ZNF362: variants seen among roughly 807,000 people sequenced by gnomAD.
The protein encoded by ZNF362 is rotund homolog.
Under a neutral mutation model 42.9 loss-of-function variants are expected in ZNF362, and 11 were observed. That is an observed-to-expected ratio of 0.26 (90% CI 0.16 to 0.42). ZNF362 has a LOEUF of 0.42. Among genes scored for constraint, ZNF362 ranks in the 20% least tolerant of loss-of-function variants. ZNF362 has a pLI of 1.00. For synonymous variants in ZNF362, 255 were observed against 257.3 expected, an observed-to-expected ratio of 0.99 and a Z score of 0.09; for missense variants, 362 against 576.2, an observed-to-expected ratio of 0.63 and a Z score of 3.81.
At position 33,266,239 on chromosome 1, in the gene ZNF362, G is replaced by C. The variant is rs1287691845; in HGVS notation, c.-88-4248G>C. 6.6e-6 allele frequency among the ~76,000 whole-genome samples: 1 copy of C among 152,214 alleles called. No individual in the cohort carries two copies. Among genetic ancestry groups the C allele is most frequent in the Non-Finnish European group, 1.5e-5 (1 of 68,038 alleles). ...CTGCACATGCTGCCCTTCTGCCGCAGTGGCTCTCCTGGCAAACTCGTCTGT... is the reference window on the plus strand; with the variant it reads ...CTGCACATGCTGCCCTTCTGCCGCACTGGCTCTCCTGGCAAACTCGTCTGT... On this transcript the variant is annotated intron_variant, in intron 1 of 8. Coordinates refer to ENST00000539719, the MANE Select transcript of ZNF362 (RefSeq NM_152493.3). This position sits in a 1 kb window ranked among gnomAD's most constrained non-coding sequence, Gnocchi z 4.3.
chr1:33,223,274 A>T, the ZNF362 span, among the ~76,000 whole-genome samples: 2 of 151,952 alleles, frequency 1.3e-5, no homozygotes, highest in African/African-American at 4.8e-5. Flanking sequence ...CAAAAAACAA[A>T]AAAACACAGG....
At chr1:33,140,280 C>G in the ZNF362 span, among the ~76,000 whole-genome samples, 2 of 152,210 alleles carry the variant, frequency 1.3e-5, no homozygotes, top group Non-Finnish European at 2.9e-5. This position sits in a 1 kb window ranked among gnomAD's most constrained non-coding sequence, Gnocchi z 4.0. Context: ...TTACCCAGGT[C>G]TCGACTCACA....
At chr1:33,192,412 A>C in the ZNF362 span, among the ~76,000 whole-genome samples, 2 of 152,190 alleles carry the variant, frequency 1.3e-5, no homozygotes, top group African/African-American at 2.4e-5. Context: ...CATCCTTGGG[A>C]TCTAAGACCA....
At chr1:33,205,402 G>A in the ZNF362 span, among the ~76,000 whole-genome samples, 6 of 151,930 alleles carry the variant, frequency 3.9e-5, no homozygotes, top group Admixed American at 2.0e-4. Flanking sequence ...GGAGGATCAC[G>A]TGAGCCCAGG....
At chr1:33,193,004 C>CACACACACATATATAT in the ZNF362 span, among the ~76,000 whole-genome samples, 5 of 137,202 alleles carry the variant, frequency 3.6e-5, no homozygotes, top group Admixed American at 7.5e-5. Flanking sequence ...CACACACACA[C>CACACACACATATATAT]ATATATATAT....
At chr1:33,197,854 A>G in the ZNF362 span, among the ~76,000 whole-genome samples, 1 of 152,228 alleles carries the variant, frequency 6.6e-6, no homozygotes, top group Admixed American at 6.5e-5. Context: ...AAGAGTAGAG[A>G]AAAACATTCT....
At chr1:33,192,152 C>T in the ZNF362 span, among the ~76,000 whole-genome samples, 1 of 152,150 alleles carries the variant, frequency 6.6e-6, no homozygotes, top group Admixed American at 6.5e-5. Context: ...TGGTAATTGA[C>T]TAATTTGACC....
At chr1:33,221,765 G>A in the ZNF362 span, among the ~76,000 whole-genome samples, 9 of 152,284 alleles carry the variant, frequency 5.9e-5, no homozygotes, top group Admixed American at 5.2e-4. Flanking sequence ...TAACTTTAAG[G>A]TGTGTCTGAT....
chr1:33,235,298 G>T, the ZNF362 span, among the ~76,000 whole-genome samples: 5 of 151,026 alleles, frequency 3.3e-5, no homozygotes, highest in African/African-American at 9.7e-5. Context: ...GTCCCACCCC[G>T]CCCCCCAGGC....
At chr1:33,282,611 CAGG>C (rs1330794665) in intron 6 of ZNF362, among the ~76,000 whole-genome samples, 1 of 152,106 alleles carries the variant, frequency 6.6e-6, no homozygotes, top group Non-Finnish European at 1.5e-5. Context: ...CACCTGAGGT[CAGG>C]AGTTCATGAC....
At chr1:33,178,618 A>G in the ZNF362 span, among the ~76,000 whole-genome samples, 5 of 152,204 alleles carry the variant, frequency 3.3e-5, no homozygotes, top group Admixed American at 3.3e-4. Flanking sequence ...GGTCAGCTTC[A>G]CAAAAGTCCT....
At chr1:33,257,400 C>T (rs1343360416) in intron 1 of ZNF362, among the ~76,000 whole-genome samples, 1 of 149,260 alleles carries the variant, frequency 6.7e-6, no homozygotes, top group Non-Finnish European at 1.5e-5. Context: ...GTTTGCTTTG[C>T]TTTGCTTCTC....
chr1:33,171,986 T>G, the ZNF362 span, among the ~76,000 whole-genome samples: 2 of 152,160 alleles, frequency 1.3e-5, no homozygotes, highest in Non-Finnish European at 2.9e-5. Flanking sequence ...TTCACCATGT[T>G]GGTCAGGCTG....
chr1:33,255,238 G>C (rs991020811), upstream of ZNF362, among the ~76,000 whole-genome samples: 1 of 152,208 alleles, frequency 6.6e-6, no homozygotes, highest in African/African-American at 2.4e-5. Flanking sequence ...TTTTTTAATA[G>C]CTGTGCTCCA....
intron 3 of ZNF362, 46 bp from the exon 4 acceptor site, chr1:33,276,302 C>A (rs751911975): frequency 2.0e-6 from 3 of 1,537,896 alleles, no homozygotes; most frequent in Non-Finnish European, 2.6e-6. Flanking sequence ...GGGCAAGGGG[C>A]GGGAGGTGGT....
chr1:33,292,621 T>C (rs1646086816), intron 6 of ZNF362, among the ~76,000 whole-genome samples: 1 of 152,198 alleles, frequency 6.6e-6, no homozygotes, highest in Admixed American at 6.5e-5. Context: ...TTTCTATTGA[T>C]TGGAATAGTT....
chr1:33,180,149 C>G, the ZNF362 span, among the ~76,000 whole-genome samples: 1 of 152,116 alleles, frequency 6.6e-6, no homozygotes, highest in Non-Finnish European at 1.5e-5. Context: ...ATGCTCAGGT[C>G]ACTCTGCATG....
chr1:33,287,939 AG>A (rs779084125), intron 6 of ZNF362, among the ~76,000 whole-genome samples: 70 of 152,352 alleles, frequency 4.6e-4, no homozygotes, highest in Non-Finnish European at 6.3e-4. Context: ...CCATTGTTTT[AG>A]TTAAAAAACA....
At chr1:33,153,361 T>C in the ZNF362 span, among the ~76,000 whole-genome samples, 2 of 152,332 alleles carry the variant, frequency 1.3e-5, no homozygotes, top group East Asian at 3.9e-4. Context: ...CTCCCTCAGC[T>C]CCTCTCTGGC....
Sources: allele counts gnomAD v4.1 joint callset (sites outside exome capture counted in the v4.1 genomes callset), GRCh38; gene constraint gnomAD v4.1.1; non-coding constraint Gnocchi (gnomAD v3.1); transcripts MANE v1.5; gene names NCBI Gene and HGNC (gene_info 2026-07-23, HGNC 2026-07-21).